The following REV3L variants were observed in gnomAD, a reference collection of about 807,000 sequenced individuals.
The protein encoded by REV3L is DNA polymerase zeta catalytic subunit.
In REV3L, 69 loss-of-function variants were observed where a neutral mutation model predicts 299.4. The observed-to-expected ratio is 0.23, with a 90% confidence interval of 0.19 to 0.28. The LOEUF is 0.28. REV3L is among the 10% of genes least tolerant of loss of function. The pLI, the probability that REV3L is intolerant of heterozygous loss-of-function variation, is 1.00. For synonymous variants in REV3L, 1,238 were observed against 1,271.4 expected (o/e 0.97, Z 0.56); for missense variants, 3,128 against 3,693.8 (o/e 0.85, Z 3.97).
intron 1 of REV3L, among the ~76,000 whole-genome samples, chr6:111,423,308 G>C (rs1345465517): frequency 6.6e-6 from 1 of 152,170 alleles, no homozygotes; most frequent in Non-Finnish European, 1.5e-5. Flanking sequence ...AATCTAGGAA[G>C]GCTTACCAGA....
intron 25 of REV3L, among the ~76,000 whole-genome samples, chr6:111,328,584 T>C (rs903585051): frequency 6.6e-6 from 1 of 152,190 alleles, no homozygotes; most frequent in Non-Finnish European, 1.5e-5. Context: ...TGCTAATTTC[T>C]AAAATTATCA....
At chr6:111,474,024 G>A (rs564122931) in intron 1 of REV3L, among the ~76,000 whole-genome samples, 20 of 152,020 alleles carry the variant, frequency 1.3e-4, no homozygotes, top group African/African-American at 4.6e-4. Context: ...ACAACAGGAG[G>A]GCATTTGGAG....
At chr6:111,324,669 TAAG>T (rs1309728591) in intron 25 of REV3L, among the ~76,000 whole-genome samples, 4 of 152,100 alleles carry the variant, frequency 2.6e-5, no homozygotes, top group Admixed American at 6.6e-5. Flanking sequence ...GACCACATAA[TAAG>T]AAGAATTCAG....
At chr6:111,453,761 A>C (rs1446528593) in intron 1 of REV3L, among the ~76,000 whole-genome samples, 1 of 152,136 alleles carries the variant, frequency 6.6e-6, no homozygotes, top group African/African-American at 2.4e-5. Context: ...AGGCGGGTAG[A>C]TCACTTGAGG....
In REV3L at chr6:111,374,109, T is replaced by A. The variant is rs1338021825; in HGVS notation, c.4246A>T (p.Thr1416Ser). The A allele has an allele frequency of 6.2e-7, 1 of 1,613,990 alleles. No individual in the cohort carries two copies. Among genetic ancestry groups the A allele is most frequent in the Non-Finnish European group, 8.5e-7 (1 of 1,179,998 alleles). Residue 1416 changes from threonine (T) to serine (S), a missense_variant, in exon 13 of 32, where the codon ACC (threonine) becomes TCC (serine). Thr to Ser is a moderately conservative substitution (Grantham distance 58, BLOSUM62 1). This residue lies in a region of REV3L where 2,409 missense variants were observed against 2,611.8 expected (regional missense o/e 0.92). Coordinates refer to ENST00000368802, the MANE Select transcript of REV3L (RefSeq NM_001372078.1). ...TCTTTGCAATGCAAAAAATTAGGGGTATATGCTTGGTCCAGCTTTGATTCT... is the reference window on the plus strand; with the variant it reads ...TCTTTGCAATGCAAAAAATTAGGGGAATATGCTTGGTCCAGCTTTGATTCT... ...SLESKLDQAY[T>S]PNFLHCKDSQ...
chr6:111,448,843 C>T (rs1387847864), intron 1 of REV3L, among the ~76,000 whole-genome samples: 1 of 149,384 alleles, frequency 6.7e-6, no homozygotes, highest in Non-Finnish European at 1.5e-5. Context: ...GTTGCCCAGC[C>T]TGGTCTCTAA....
chr6:111,424,454 T>C (rs2128293261), intron 1 of REV3L, among the ~76,000 whole-genome samples: 1 of 152,274 alleles, frequency 6.6e-6, no homozygotes, highest in South Asian at 2.1e-4. Flanking sequence ...CTCTGGAAAT[T>C]AAAGGTTTGC....
chr6:111,440,518 T>TAA (rs201076194), intron 1 of REV3L, among the ~76,000 whole-genome samples: 7,037 of 152,292 alleles, frequency 0.046, 227 homozygotes, highest in Middle Eastern at 0.085. Flanking sequence ...CTGCAATTAC[T>TAA]TATAAGGGAC....
At chr6:111,437,345 A>T (rs1787674303) in intron 1 of REV3L, among the ~76,000 whole-genome samples, 1 of 152,194 alleles carries the variant, frequency 6.6e-6, no homozygotes, top group Non-Finnish European at 1.5e-5. Flanking sequence ...TCAGAAGTCC[A>T]TCAATTGATG....
chr6:111,475,554 G>T (rs554947139), intron 1 of REV3L, among the ~76,000 whole-genome samples: 90 of 152,246 alleles, frequency 5.9e-4, no homozygotes, highest in African/African-American at 2.1e-3. Context: ...TTTGATAGGT[G>T]ACAAAGAGTA....
At position 111,375,782 on chromosome 6, in the gene REV3L, A is replaced by G; in HGVS notation, c.2573T>C (p.Ile858Thr). 1 of 1,613,672 alleles carries G rather than the reference A, an allele frequency of 6.2e-7. No individual in the cohort carries two copies. Among genetic ancestry groups the G allele is most frequent in the Non-Finnish European group, 8.5e-7 (1 of 1,179,764 alleles). ...SETGSTKDNFIQNNPCNSNPE... is the reference protein window; with the variant it reads ...SETGSTKDNFTQNNPCNSNPE... Reference sequence around the variant, plus strand: ...ATTACTATTACAAGGATTATTTTGTATAAAATTATCTTTTGTGGATCCAGT... The same window carrying G: ...ATTACTATTACAAGGATTATTTTGTGTAAAATTATCTTTTGTGGATCCAGT... The change falls in exon 13 of 32, where the codon ATA becomes ACA. Residue 858 changes from isoleucine to threonine, a missense_variant. Around this residue, in one of 9 missense-constraint regions of REV3L, gnomAD observed 2,409 missense variants for 2,611.8 expected, o/e 0.92. Transcript: ENST00000368802.
chr6:111,437,697 G>C (rs1024214598), intron 1 of REV3L, among the ~76,000 whole-genome samples: 1 of 152,070 alleles, frequency 6.6e-6, no homozygotes, highest in East Asian at 1.9e-4. Flanking sequence ...GAATTGGTGG[G>C]AAATGAGTAC....
Position 111,482,867 on chromosome 6 carries a change from T to C in REV3L, c.22A>G (p.Thr8Ala). The change falls in exon 1 of 32, where the codon ACT (threonine) becomes GCT (alanine). Residue 8 changes from threonine to alanine, a missense_variant. Physicochemically the swap from Thr to Ala is moderately conservative, Grantham distance 58. Around this residue, in one of 9 missense-constraint regions of REV3L, gnomAD observed 48 missense variants for 42.8 expected, o/e 1.12. Coordinates refer to ENST00000368802, the MANE Select transcript of REV3L (RefSeq NM_001372078.1). MFSVRIV[T>A]ADYYMASPLQ... ...GGGCTGGCCATGTAGTAGTCTGCAGTCACTATCCTTACTGAAAACATGTTC... is the reference window on the plus strand; with the variant it reads ...GGGCTGGCCATGTAGTAGTCTGCAGCCACTATCCTTACTGAAAACATGTTC... 2.0e-6 allele frequency: 3 copies of C among 1,518,870 alleles called. No homozygotes were observed. The highest frequency in any genetic ancestry group is 2.6e-6 in the Non-Finnish European group (3 of 1,142,176). 94.1% of individuals were successfully genotyped at this position (1,518,870 alleles called of 1,614,324 possible).
chr6:111,458,367 T>C (rs1039341336), intron 1 of REV3L, among the ~76,000 whole-genome samples: 2 of 152,048 alleles, frequency 1.3e-5, no homozygotes, highest in African/African-American at 4.8e-5. Flanking sequence ...CCTTGAGAAA[T>C]GGAAGAAGAC....
Position 111,373,099 on chromosome 6 carries a change from TG to T in REV3L, c.5255del (p.Thr1752LysfsTer7). 2.5e-6 allele frequency: 4 copies of T among 1,614,122 alleles called. No homozygotes were observed. The highest frequency in any genetic ancestry group is 3.4e-6 in the Non-Finnish European group (4 of 1,179,996). Reference sequence around the variant, plus strand: ...AATCCATTATTGAGTTAGACCGAGTTGTTAGAGGATGAAAGCTATTTTTCCA... The same window carrying T: ...AATCCATTATTGAGTTAGACCGAGTTTTAGAGGATGAAAGCTATTTTTCCA... ...NQWKNSFHPL[T>X]TRSNSIMDSF... is the part of the protein sequence containing the mutation. On this transcript the variant is annotated frameshift_variant, in exon 13 of 32. Coordinates refer to ENST00000368802, the MANE Select transcript of REV3L (RefSeq NM_001372078.1). LOFTEE classifies it high-confidence loss of function.
chr6:111,402,730 G>T (rs1783218580), intron 4 of REV3L, among the ~76,000 whole-genome samples: 1 of 152,076 alleles, frequency 6.6e-6, no homozygotes, highest in South Asian at 2.1e-4. Context: ...GACAAAAAAT[G>T]CTAACCTCTG....
chr6:111,434,413 G>A (rs1787303357), intron 1 of REV3L, among the ~76,000 whole-genome samples: 1 of 151,656 alleles, frequency 6.6e-6, no homozygotes, highest in African/African-American at 2.4e-5. Context: ...AGGAGATCGA[G>A]ACCATCCTGG....
At chr6:111,386,202 T>C (rs1490788854) in intron 9 of REV3L, among the ~76,000 whole-genome samples, 1 of 152,202 alleles carries the variant, frequency 6.6e-6, no homozygotes, top group East Asian at 1.9e-4. Flanking sequence ...AGGAGACAGA[T>C]GTAGCACTAA....
intron 31 of REV3L, among the ~76,000 whole-genome samples, chr6:111,304,972 G>A (rs1301806233): frequency 2.7e-5 from 4 of 145,966 alleles, no homozygotes; most frequent in African/African-American, 2.6e-5. Flanking sequence ...ACAGAGTTTC[G>A]CTCTTGTTCC....
Sources: allele counts gnomAD v4.1 joint callset (sites outside exome capture counted in the v4.1 genomes callset), GRCh38; gene constraint gnomAD v4.1.1; regional missense constraint gnomAD v4.1.1; transcripts MANE v1.5; gene names NCBI Gene and HGNC (gene_info 2026-07-23, HGNC 2026-07-21).